GYPC: variants seen among roughly 807,000 people sequenced by gnomAD.
GYPC encodes glycophorin C (Gerbich blood group).
In GYPC, 14 loss-of-function variants were observed where a neutral mutation model predicts 12.6. The ratio of observed to expected loss-of-function variants is 1.11; its 90% CI spans 0.74 to 1.74. The LOEUF is 1.74. Ranked by LOEUF, GYPC falls within the 40% of genes most tolerant of loss-of-function variation. GYPC has a pLI of 0.00. For missense variants in GYPC, 225 were observed against 172.1 expected (o/e 1.31, Z -1.72); for synonymous variants, 78 against 62.1 (o/e 1.26, Z -1.20).
intron 3 of GYPC, among the ~76,000 whole-genome samples, chr2:126,694,921 T>C (rs867380699): frequency 3.1e-4 from 47 of 152,138 alleles, no homozygotes; most frequent in African/African-American, 7.2e-4. Flanking sequence ...CCTGAGCAGC[T>C]TCACACTGTA....
At chr2:126,692,025 T>C (rs897547468) in intron 2 of GYPC, among the ~76,000 whole-genome samples, 1 of 152,176 alleles carries the variant, frequency 6.6e-6, no homozygotes, top group East Asian at 1.9e-4. Flanking sequence ...TACTCATGCA[T>C]TCAGTGAATA....
Position 126,688,208 on chromosome 2 carries a change from G to C in GYPC, c.50-2047G>C, listed in dbSNP as rs1465902239. 5.3e-5 allele frequency among the ~76,000 whole-genome samples: 8 copies of C among 152,326 alleles called. No individual in the cohort carries two copies. The East Asian group carries it at 1.5e-3, about 29-fold the overall frequency. On this transcript the variant is annotated intron_variant, in intron 1 of 3. Transcript: ENST00000259254. ...ATAACAGTCCCTTCTAACCCTGATT[G>C]TGTTGGACAAACTGTCATAAGAAAT...
Position 126,693,522 on chromosome 2 carries a change from A to G in GYPC, c.107-342A>G, listed in dbSNP as rs187353686. On this transcript the variant is annotated intron_variant, in intron 2 of 3. Transcript: ENST00000259254. Reference sequence around the variant, plus strand: ...TCCACAAACATTCTTTCTTAAACACAACAAGAGTCCCTGCCTTCATACACA... The same window carrying G: ...TCCACAAACATTCTTTCTTAAACACGACAAGAGTCCCTGCCTTCATACACA... 1.8e-4 allele frequency among the ~76,000 whole-genome samples: 27 copies of G among 152,288 alleles called. 1 individual carries two copies. The highest frequency in any genetic ancestry group is 6.3e-4 in the African/African-American group (26 of 41,576).
chr2:126,683,365 T>C (rs1683200689), intron 1 of GYPC, among the ~76,000 whole-genome samples: 1 of 152,188 alleles, frequency 6.6e-6, no homozygotes. Flanking sequence ...CTACAAATGC[T>C]GCACCATCCA....
chr2:126,688,113 A>C (rs1683342890), intron 1 of GYPC, among the ~76,000 whole-genome samples: 1 of 152,252 alleles, frequency 6.6e-6, no homozygotes, highest in Non-Finnish European at 1.5e-5. Context: ...CTGAGTTAAA[A>C]TACATTAAAT....
intron 2 of GYPC, among the ~76,000 whole-genome samples, chr2:126,693,586 A>G (rs1390370754): frequency 6.6e-6 from 1 of 151,934 alleles, no homozygotes; most frequent in Non-Finnish European, 1.5e-5. Flanking sequence ...GTGCAGCACC[A>G]CTCTCAGTGC....
intron 1 of GYPC, among the ~76,000 whole-genome samples, chr2:126,661,355 G>A (rs1408609600): frequency 6.6e-6 from 1 of 152,138 alleles, no homozygotes. Context: ...CGTTCTGCTG[G>A]CGTCACCACC....
intron 1 of GYPC, among the ~76,000 whole-genome samples, chr2:126,668,476 C>T (rs931259035): frequency 7.2e-5 from 11 of 152,170 alleles, no homozygotes; most frequent in African/African-American, 1.7e-4. Flanking sequence ...CCATAGCAGA[C>T]GTCTCTACCC....
At chr2:126,672,129 A>G (rs1682870920) in intron 1 of GYPC, among the ~76,000 whole-genome samples, 4 of 152,124 alleles carry the variant, frequency 2.6e-5, no homozygotes. Context: ...GAGGTGGTAG[A>G]GAGATGAGGG....
chr2:126,665,172 T>C (rs986372539), intron 1 of GYPC, among the ~76,000 whole-genome samples: 3 of 152,188 alleles, frequency 2.0e-5, no homozygotes, highest in Admixed American at 6.5e-5. Context: ...AGAATCTCTA[T>C]GGGGAAGAGG....
chr2:126,686,581 C>T (rs1683296694), intron 1 of GYPC: 1 of 980,148 alleles, frequency 1.0e-6, no homozygotes, highest in African/African-American at 1.7e-5. Context: ...TGCCAGGCAC[C>T]CAGTCTAATG....
intron 1 of GYPC, among the ~76,000 whole-genome samples, chr2:126,689,454 C>T (rs1683389994): frequency 6.6e-6 from 1 of 151,876 alleles, no homozygotes; most frequent in Admixed American, 6.6e-5. Context: ...TTTGACCCTG[C>T]AAAAGCTCAT....
At chr2:126,689,478 T>G (rs111967060) in intron 1 of GYPC, among the ~76,000 whole-genome samples, 26 of 151,642 alleles carry the variant, frequency 1.7e-4, no homozygotes, top group African/African-American at 6.3e-4. Flanking sequence ...GAAATTTGGT[T>G]CCCAAGGTGG....
chr2:126,663,666 G>C (rs895525169), intron 1 of GYPC, among the ~76,000 whole-genome samples: 1 of 152,198 alleles, frequency 6.6e-6, no homozygotes, highest in Non-Finnish European at 1.5e-5. Flanking sequence ...AGGCAAACAA[G>C]GTCTGCAAAG....
chr2:126,672,278 T>G (rs1573562960), intron 1 of GYPC, among the ~76,000 whole-genome samples: 1 of 152,036 alleles, frequency 6.6e-6, no homozygotes, highest in Non-Finnish European at 1.5e-5. Flanking sequence ...AACAAGAGAC[T>G]GAGAGGAAGG....
intron 1 of GYPC, among the ~76,000 whole-genome samples, chr2:126,668,865 A>G (rs565931901): frequency 9.8e-5 from 15 of 152,350 alleles, no homozygotes; most frequent in African/African-American, 3.6e-4. Flanking sequence ...AGCAAGGTTC[A>G]CATCATGACA....
chr2:126,669,159 A>G (rs1004671026), intron 1 of GYPC, among the ~76,000 whole-genome samples: 1 of 152,196 alleles, frequency 6.6e-6, no homozygotes, highest in Non-Finnish European at 1.5e-5. Context: ...ATCAATGCTG[A>G]CTGCTGAGGA....
intron 1 of GYPC, chr2:126,675,687 G>A: frequency 1.0e-6 from 1 of 985,220 alleles, no homozygotes; most frequent in Non-Finnish European, 1.2e-6. Flanking sequence ...CACTACCCGA[G>A]AAAACGCAGA....
In GYPC at chr2:126,677,378, TGTGA is replaced by T. The variant is rs891931002; in HGVS notation, c.50-12873_50-12870del. Among the ~76,000 whole-genome samples the T allele has an allele frequency of 9.3e-5, 14 of 150,078 alleles. 1 individual carries two copies. The highest frequency in any genetic ancestry group is 2.1e-4 in the South Asian group (1 of 4,718). On this transcript the variant is annotated intron_variant, in intron 1 of 3. Coordinates refer to ENST00000259254, the MANE Select transcript of GYPC (RefSeq NM_002101.5). ...GTGAGTGTGAGAGAATGAGTAGGAG[TGTGA>T]GTGTGTTTATTAGTGTGTTAGAGTG...
Sources: allele counts gnomAD v4.1 joint callset (sites outside exome capture counted in the v4.1 genomes callset), GRCh38; gene constraint gnomAD v4.1.1; transcripts MANE v1.5; gene names NCBI Gene and HGNC (gene_info 2026-07-23, HGNC 2026-07-21).